GALK2: variants seen among roughly 807,000 people sequenced by gnomAD.
The protein encoded by GALK2 is galactokinase 2.
In GALK2, 36 loss-of-function variants were observed where a neutral mutation model predicts 52.4. The ratio of observed to expected loss-of-function variants is 0.69; its 90% CI spans 0.53 to 0.91. GALK2 has a LOEUF of 0.91. GALK2 is among the 40% of genes least tolerant of loss of function. The probability of loss-of-function intolerance (pLI) is 0.00; values close to 1 mark genes in which losing one functional copy is unlikely to be tolerated. For synonymous variants in GALK2, 176 were observed against 199.1 expected, an observed-to-expected ratio of 0.88 and a Z score of 0.98; for missense variants, 579 against 559.1, an observed-to-expected ratio of 1.04 and a Z score of -0.36.
At chr15:49,187,352 T>C (rs1459085096) in intron 1 of GALK2, among the ~76,000 whole-genome samples, 1 of 152,226 alleles carries the variant, frequency 6.6e-6, no homozygotes, top group African/African-American at 2.4e-5. Context: ...AGTAGACTTG[T>C]GGCCACTGTC....
chr15:49,207,655 G>A lies in GALK2; in HGVS notation c.142+6405G>A, dbSNP rs148499235. 5.0e-3 allele frequency among the ~76,000 whole-genome samples: 760 copies of A among 152,170 alleles called. 9 individuals carry two copies. The highest frequency in any genetic ancestry group is 0.017 in the African/African-American group (726 of 41,510). ...TACTCATGTAAAGGTGTTCATAGTC[G>A]CCTTGAATGATCTTTTGTATTTCAG... On this transcript the variant is annotated intron_variant, in intron 2 of 9. Transcript: ENST00000560031.
intron 2 of GALK2, among the ~76,000 whole-genome samples, chr15:49,206,109 G>A (rs2088257776): frequency 6.6e-6 from 1 of 152,048 alleles, no homozygotes; most frequent in Non-Finnish European, 1.5e-5. Flanking sequence ...TTTTATACTA[G>A]TACCACGCTG....
intron 8 of GALK2, among the ~76,000 whole-genome samples, chr15:49,295,131 A>AT (rs1398713558): frequency 2.0e-5 from 3 of 151,910 alleles, no homozygotes; most frequent in African/African-American, 7.3e-5. Flanking sequence ...AATTGCTGGT[A>AT]TCTAGGAGTG....
chr15:49,365,115 C>A, intron 3 of GALK2: 2 of 698,824 alleles, frequency 2.9e-6, no homozygotes, highest in South Asian at 3.4e-5. Context: ...AGCAGTTCCA[C>A]ATAATATTAT....
At chr15:49,272,324 A>G (rs2030804517) in intron 5 of GALK2, among the ~76,000 whole-genome samples, 1 of 152,198 alleles carries the variant, frequency 6.6e-6, no homozygotes. Context: ...GGTATTTGTC[A>G]GCTTTCTTCA....
chr15:49,234,612 C>T lies in GALK2; in HGVS notation c.267-1239C>T, dbSNP rs553390420. Among the ~76,000 whole-genome samples the T allele has an allele frequency of 6.6e-5, 10 of 152,216 alleles. No homozygotes were observed. In the East Asian group the frequency reaches 1.5e-3, roughly 24 times the overall value. On this transcript the variant is annotated intron_variant, in intron 3 of 9. Coordinates refer to ENST00000560031, the MANE Select transcript of GALK2 (RefSeq NM_002044.4). ...TCCCCTTTGTAAAACCAGCGGATCC[C>T]ATGAGACTTATTCACTATCATGACA...
At chr15:49,225,815 T>G (rs549307568) in intron 3 of GALK2, among the ~76,000 whole-genome samples, 5 of 152,356 alleles carry the variant, frequency 3.3e-5, no homozygotes, top group Admixed American at 2.0e-4. Flanking sequence ...TTTGGCTCCC[T>G]TTGGCACAGC....
At chr15:49,177,702 G>T (rs565844431) in intron 1 of GALK2, 112 of 639,276 alleles carry the variant, frequency 1.8e-4, no homozygotes, top group Non-Finnish European at 2.3e-4. Flanking sequence ...CAAGGCCACG[G>T]ATCTTTCGGC....
intron 5 of GALK2, among the ~76,000 whole-genome samples, chr15:49,272,222 A>C (rs559899228): frequency 6.6e-6 from 1 of 152,294 alleles, no homozygotes; most frequent in Non-Finnish European, 1.5e-5. Flanking sequence ...TTACAATTCT[A>C]TAAAAAGTTA....
At chr15:49,356,075 G>A (rs1439992758) in intron 3 of GALK2, among the ~76,000 whole-genome samples, 1 of 144,222 alleles carries the variant, frequency 6.9e-6, no homozygotes, top group African/African-American at 2.8e-5. Context: ...TGCCTTACAA[G>A]AGCTCCTGAA....
chr15:49,311,551 A>T (rs2035992642), intron 8 of GALK2, among the ~76,000 whole-genome samples: 1 of 152,062 alleles, frequency 6.6e-6, no homozygotes, highest in African/African-American at 2.4e-5. Flanking sequence ...TTTCTGCCCA[A>T]CCCTTTTCTT....
intron 5 of GALK2, among the ~76,000 whole-genome samples, chr15:49,274,574 T>C (rs569748269): frequency 6.6e-6 from 1 of 152,288 alleles, no homozygotes; most frequent in East Asian, 1.9e-4. Flanking sequence ...TATATAAAAA[T>C]GTTTTCCTTC....
intron 5 of GALK2, among the ~76,000 whole-genome samples, chr15:49,252,887 T>G (rs2091670232): frequency 6.9e-6 from 1 of 144,732 alleles, no homozygotes. Flanking sequence ...TTTCTTTAAT[T>G]ATTAGATAGT....
intron 3 of GALK2, among the ~76,000 whole-genome samples, chr15:49,364,693 T>C (rs558648142): frequency 8.3e-4 from 127 of 152,318 alleles, no homozygotes; most frequent in African/African-American, 3.0e-3. Flanking sequence ...AACTGCCTTC[T>C]TGCATGGTCT....
chr15:49,156,711 C>T (rs72727224), intron 1 of GALK2: 28,783 of 528,492 alleles, frequency 0.054, 1,018 homozygotes, highest in East Asian at 0.14. Flanking sequence ...AAACTTTATC[C>T]AGAAACATGA....
chr15:49,161,432 C>A (rs1021185856), intron 1 of GALK2, among the ~76,000 whole-genome samples: 11 of 152,278 alleles, frequency 7.2e-5, no homozygotes, highest in African/African-American at 2.6e-4. Flanking sequence ...CCTTAAAAAT[C>A]CATGTAAATG....
intron 3 of GALK2, among the ~76,000 whole-genome samples, chr15:49,224,574 T>G (rs960105995): frequency 1.3e-5 from 2 of 152,244 alleles, no homozygotes; most frequent in Admixed American, 6.5e-5. Flanking sequence ...CACCATTTAT[T>G]GAATAGGGAG....
chr15:49,233,404 G>A lies in GALK2; in HGVS notation c.267-2447G>A, dbSNP rs114740819. ...TCCAACACTGGGGAATCACAACTTG[G>A]CATGAGATTTGGGCAGGGATGCAAA... On this transcript the variant is annotated intron_variant, in intron 3 of 9. Coordinates refer to ENST00000560031, the MANE Select transcript of GALK2 (RefSeq NM_002044.4). Among the ~76,000 whole-genome samples the A allele has an allele frequency of 5.8e-3, 880 of 152,306 alleles. 6 individuals are homozygous for A. The highest frequency in any genetic ancestry group is 0.02 in the African/African-American group (837 of 41,556).
intron 1 of GALK2, among the ~76,000 whole-genome samples, chr15:49,192,485 GTATATATATATATA>G (rs58230206): frequency 0.013 from 1,380 of 102,948 alleles, 40 homozygotes; most frequent in African/African-American, 0.039. Context: ...ATATATATAT[GTATATATATATATA>G]TATATATATA....
Sources: allele counts gnomAD v4.1 joint callset (sites outside exome capture counted in the v4.1 genomes callset), GRCh38; gene constraint gnomAD v4.1.1; transcripts MANE v1.5; gene names NCBI Gene and HGNC (gene_info 2026-07-23, HGNC 2026-07-21).